The following PLPPR1 variants were observed in gnomAD, a reference collection of about 807,000 sequenced individuals.
PLPPR1 encodes the protein phospholipid phosphatase related 1, also known as phospholipid phosphatase-related protein type 1.
Under a neutral mutation model 33.1 loss-of-function variants are expected in PLPPR1, and 10 were observed. The ratio of observed to expected loss-of-function variants is 0.30; its 90% CI spans 0.19 to 0.51. PLPPR1 has a LOEUF of 0.51. Ranked by LOEUF, PLPPR1 falls within the 20% of genes least tolerant of loss-of-function variation. PLPPR1 has a pLI of 0.97. For missense variants in PLPPR1, 304 were observed against 408.1 expected (o/e 0.74, Z 2.20); for synonymous variants, 151 against 151.0 (o/e 1.00, Z 0.00).
At chr9:101,155,027 G>C (rs1045709648) in intron 1 of PLPPR1, among the ~76,000 whole-genome samples, 1 of 151,534 alleles carries the variant, frequency 6.6e-6, no homozygotes, top group Non-Finnish European at 1.5e-5. Flanking sequence ...GAGTTAATGG[G>C]TGTAGCACAC....
At chr9:101,227,947 A>G (rs941765104) in intron 2 of PLPPR1, among the ~76,000 whole-genome samples, 4 of 151,834 alleles carry the variant, frequency 2.6e-5, no homozygotes, top group Admixed American at 2.0e-4. Flanking sequence ...CCGGCTAATT[A>G]TTTACATTTT....
intron 1 of PLPPR1, among the ~76,000 whole-genome samples, chr9:101,169,928 G>T (rs1305158406): frequency 6.6e-6 from 1 of 151,590 alleles, no homozygotes. Flanking sequence ...AGAGATGATT[G>T]ACCTGAGACT....
At chr9:101,246,097 T>TAG (rs1348037215) in intron 2 of PLPPR1, among the ~76,000 whole-genome samples, 142 of 101,260 alleles carry the variant, frequency 1.4e-3, no homozygotes, top group Middle Eastern at 9.4e-3. Flanking sequence ...TATATATATA[T>TAG]ATATATATAT....
intron 1 of PLPPR1, among the ~76,000 whole-genome samples, chr9:101,058,738 G>T (rs1564132709): frequency 6.6e-6 from 1 of 152,024 alleles, no homozygotes; most frequent in South Asian, 2.1e-4. Context: ...ATAGGCAAAA[G>T]AGTTTCTCAA....
intron 1 of PLPPR1, among the ~76,000 whole-genome samples, chr9:101,155,713 C>T (rs1831674471): frequency 6.6e-6 from 1 of 152,084 alleles, no homozygotes; most frequent in South Asian, 2.1e-4. Context: ...GATTCTCCTG[C>T]CTCAGCCTCC....
rs10560929 is a variant in PLPPR1 at position 101,324,224 on chromosome 9, ATTTT to A, written c.*182_*185del. 3,248 of 356,422 alleles carry A rather than the reference ATTTT, an allele frequency of 9.1e-3. 21 individuals carry two copies. Among genetic ancestry groups the A allele is most frequent in the African/African-American group, 0.042 (1,685 of 40,532 alleles). The allele number at this position is 356,422 out of a possible 1,614,324, so 22.1% of individuals were successfully genotyped here. A position where few individuals can be genotyped will look rare whatever the true frequency, so the allele number is the denominator to read the frequency against. Reference sequence around the variant, plus strand: ...TGAGGAAGTGATGTAGCTTGCCCTGATTTTTTTTTTTTTTTTTTGGTCAGCTTTA... The same window carrying A: ...TGAGGAAGTGATGTAGCTTGCCCTGATTTTTTTTTTTTTTGGTCAGCTTTA... On this transcript the variant is annotated 3_prime_UTR_variant, in exon 8 of 8. Coordinates refer to ENST00000374874, the MANE Select transcript of PLPPR1 (RefSeq NM_207299.2).
chr9:101,181,726 G>GGT (rs1197315609), intron 1 of PLPPR1, among the ~76,000 whole-genome samples: 4 of 65,604 alleles, frequency 6.1e-5, no homozygotes, highest in South Asian at 5.7e-4. Flanking sequence ...ACTATTTGGG[G>GGT]GTGTGTGTGT....
intron 1 of PLPPR1, among the ~76,000 whole-genome samples, chr9:101,129,616 G>A (rs1186721838): frequency 5.3e-5 from 8 of 152,194 alleles, no homozygotes; most frequent in Non-Finnish European, 1.2e-4. Flanking sequence ...TGGATCACGA[G>A]GTCAAGAGAT....
intron 1 of PLPPR1, among the ~76,000 whole-genome samples, chr9:101,153,888 A>G (rs913481846): frequency 4.6e-5 from 7 of 152,170 alleles, no homozygotes; most frequent in South Asian, 4.1e-4. Context: ...TGGCCCATCA[A>G]TACCTAATTT....
At chr9:101,230,756 C>T (rs182566100) in intron 2 of PLPPR1, among the ~76,000 whole-genome samples, 64 of 151,980 alleles carry the variant, frequency 4.2e-4, no homozygotes, top group African/African-American at 1.4e-3. Context: ...ATTTTATCAA[C>T]ACCACCAAAA....
intron 2 of PLPPR1, among the ~76,000 whole-genome samples, chr9:101,204,555 T>C (rs1169279328): frequency 1.3e-5 from 2 of 152,106 alleles, no homozygotes; most frequent in Admixed American, 6.5e-5. Context: ...TTTCCGTATA[T>C]TGAGAAAGCA....
chr9:101,114,265 T>C (rs1831093300), intron 1 of PLPPR1, among the ~76,000 whole-genome samples: 1 of 152,228 alleles, frequency 6.6e-6, no homozygotes, highest in African/African-American at 2.4e-5. Context: ...GGTACTACTA[T>C]CATCCCCAAC....
intron 4 of PLPPR1, among the ~76,000 whole-genome samples, chr9:101,289,478 T>G (rs1272490008): frequency 6.6e-6 from 1 of 152,230 alleles, no homozygotes; most frequent in East Asian, 1.9e-4. Context: ...TGATATGGTT[T>G]GGCTTTGTGT....
chr9:101,173,091 G>T (rs1175441134), intron 1 of PLPPR1, among the ~76,000 whole-genome samples: 1 of 152,044 alleles, frequency 6.6e-6, no homozygotes, highest in African/African-American at 2.4e-5. Context: ...AACCCATAAA[G>T]AATAATCTAC....
chr9:101,060,669 A>C (rs956879901), intron 1 of PLPPR1, among the ~76,000 whole-genome samples: 1 of 151,890 alleles, frequency 6.6e-6, no homozygotes, highest in East Asian at 1.9e-4. Flanking sequence ...TTTTTAATGC[A>C]TTAAAAATAA....
chr9:101,200,637 ATGTTGT>A (rs1826475696), intron 2 of PLPPR1, among the ~76,000 whole-genome samples: 1 of 152,164 alleles, frequency 6.6e-6, no homozygotes, highest in Non-Finnish European at 1.5e-5. Context: ...TTTATTTTTC[ATGTTGT>A]ATGCCATTAT....
At chr9:101,319,606 A>G (rs1217161255) in intron 7 of PLPPR1, among the ~76,000 whole-genome samples, 1 of 152,220 alleles carries the variant, frequency 6.6e-6, no homozygotes, top group East Asian at 1.9e-4. Flanking sequence ...CTTGGTCTAG[A>G]AATAAAATAT....
chr9:101,211,614 G>T (rs1826692317), intron 2 of PLPPR1, among the ~76,000 whole-genome samples: 1 of 152,058 alleles, frequency 6.6e-6, no homozygotes, highest in Admixed American at 6.5e-5. Flanking sequence ...TACTAGTTAG[G>T]CCCACCTCCT....
rs957133279 is a variant in PLPPR1, at chr9:101,325,057, C to A, written c.*1000C>A. ...TACCTATCAGAATGTTTTCTTGACACTTCCATGTTGGCTCTTCTCAGCTTT... is the reference window on the plus strand; with the variant it reads ...TACCTATCAGAATGTTTTCTTGACAATTCCATGTTGGCTCTTCTCAGCTTT... On this transcript the variant is annotated 3_prime_UTR_variant, in exon 8 of 8. Transcript: ENST00000374874. The A allele has an allele frequency of 6.6e-6, 1 of 152,160 alleles. No individual in the cohort carries two copies. Among genetic ancestry groups the A allele is most frequent in the African/African-American group, 2.4e-5 (1 of 41,410 alleles). 9.4% of individuals were successfully genotyped at this position (152,160 alleles called of 1,614,324 possible). A position where few individuals can be genotyped will look rare whatever the true frequency, so the allele number is the denominator to read the frequency against.
Sources: allele counts gnomAD v4.1 joint callset (sites outside exome capture counted in the v4.1 genomes callset), GRCh38; gene constraint gnomAD v4.1.1; transcripts MANE v1.5; gene names NCBI Gene and HGNC (gene_info 2026-07-23, HGNC 2026-07-21).